The following PAPPA variants were observed in gnomAD, a reference collection of about 807,000 sequenced individuals.
PAPPA encodes the protein pappalysin-1.
In PAPPA, 60 loss-of-function variants were observed where a neutral mutation model predicts 164.0. The observed-to-expected ratio is 0.37, with a 90% CI of 0.30 to 0.45. The LOEUF (loss-of-function observed/expected upper bound fraction) is 0.45. Among genes scored for constraint, PAPPA ranks in the 20% least tolerant of loss-of-function variants. The pLI, the probability that PAPPA is intolerant of heterozygous loss-of-function variation, is 1.00. For missense variants in PAPPA, 1,782 were observed against 2,087.3 expected, an observed-to-expected ratio of 0.85 and a Z score of 2.85; for synonymous variants, 875 against 814.1, an observed-to-expected ratio of 1.07 and a Z score of -1.27.
chr9:116,154,315 C>T lies in PAPPA; in HGVS notation c.143C>T (p.Ala48Val). 3.3e-6 allele frequency: 3 copies of T among 896,712 alleles called. No homozygotes were observed. The highest frequency in any genetic ancestry group is 4.0e-6 in the Non-Finnish European group (3 of 752,390). 55.5% of individuals were successfully genotyped at this position (896,712 alleles called of 1,614,324 possible). A position where few individuals can be genotyped will look rare whatever the true frequency, so the allele number is the denominator to read the frequency against. Residue 48 changes from alanine to valine, a missense_variant, in exon 1 of 22, where the codon GCC (alanine) becomes GTC (valine). This residue lies in a region of PAPPA where 458 missense variants were observed against 430.3 expected (regional missense o/e 1.06). Transcript: ENST00000328252. The surrounding 1 kb of genome is among the most constrained non-coding windows in gnomAD (Gnocchi z 5.2). ...CCCGCCGCCGGCCCGGCCACCTGCG[C>T]CACCCGGGCGGCCCGCGGCCGCCGC... ...PRPAAGPATC[A>V]TRAARGRRAS...
chr9:116,167,625 G>A (rs892339900), intron 1 of PAPPA, among the ~76,000 whole-genome samples: 8 of 152,082 alleles, frequency 5.3e-5, no homozygotes, highest in Non-Finnish European at 1.0e-4. Context: ...GGCAAATCTT[G>A]GAATTATGTG....
At chr9:116,329,742 G>A (rs2118945212) in intron 10 of PAPPA, among the ~76,000 whole-genome samples, 1 of 152,222 alleles carries the variant, frequency 6.6e-6, no homozygotes, top group Non-Finnish European at 1.5e-5. Context: ...CCATGTTGAT[G>A]TCTATGAGCT....
intron 18 of PAPPA, among the ~76,000 whole-genome samples, chr9:116,363,098 A>G (rs1303485250): frequency 6.6e-6 from 1 of 152,226 alleles, no homozygotes; most frequent in African/African-American, 2.4e-5. Flanking sequence ...GAGGAGCAGG[A>G]GTTATGAAAG....
intron 12 of PAPPA, 93 bp downstream of exon 12, chr9:116,332,561 T>G: frequency 3.2e-5 from 35 of 1,108,002 alleles, no homozygotes; most frequent in Non-Finnish European, 4.1e-5. Flanking sequence ...GAATGAGCTC[T>G]TCCTTCCTTT....
intron 12 of PAPPA, among the ~76,000 whole-genome samples, chr9:116,334,238 TA>T (rs397974030): frequency 0.022 from 2,433 of 108,980 alleles, 43 homozygotes; most frequent in African/African-American, 0.062. Flanking sequence ...CTGGCTGCAT[TA>T]AAAAAAAAAA....
At chr9:116,231,667 AT>A (rs1844594339) in intron 6 of PAPPA, among the ~76,000 whole-genome samples, 2 of 10,778 alleles carry the variant, frequency 1.9e-4, no homozygotes, top group African/African-American at 1.3e-3. Context: ...GGGCGGATGG[AT>A]GGATGGATGG....
At chr9:116,173,553 A>G (rs1037691242) in intron 1 of PAPPA, among the ~76,000 whole-genome samples, 11 of 152,080 alleles carry the variant, frequency 7.2e-5, no homozygotes, top group African/African-American at 2.7e-4. Context: ...GTCATTCACA[A>G]CCCTTTGTGA....
chr9:116,292,210 T>C (rs1298084821), intron 9 of PAPPA, among the ~76,000 whole-genome samples: 5 of 152,192 alleles, frequency 3.3e-5, no homozygotes, highest in Admixed American at 2.0e-4. Flanking sequence ...CTTTGAACTC[T>C]TCCACATGAG....
intron 9 of PAPPA, among the ~76,000 whole-genome samples, chr9:116,282,398 C>T (rs1003887386): frequency 6.6e-6 from 1 of 152,206 alleles, no homozygotes; most frequent in Non-Finnish European, 1.5e-5. Flanking sequence ...GGAGGGCCAA[C>T]TGCATAGACT....
At chr9:116,383,017 A>G (rs553814760) in intron 21 of PAPPA, among the ~76,000 whole-genome samples, 17 of 152,214 alleles carry the variant, frequency 1.1e-4, no homozygotes, top group Non-Finnish European at 2.1e-4. Context: ...GCATTTTATT[A>G]TCTATCTTAT....
At chr9:116,279,430 C>T (rs746301087) in intron 9 of PAPPA, among the ~76,000 whole-genome samples, 2 of 152,100 alleles carry the variant, frequency 1.3e-5, no homozygotes, top group African/African-American at 2.4e-5. Context: ...AGGCTTACCA[C>T]CTCCTTTGGA....
chr9:116,363,211 T>C (rs1390851526), intron 18 of PAPPA, among the ~76,000 whole-genome samples: 2 of 152,138 alleles, frequency 1.3e-5, no homozygotes, highest in African/African-American at 4.8e-5. Context: ...CCTGATATAG[T>C]TCAGGCCCTT....
intron 4 of PAPPA, among the ~76,000 whole-genome samples, chr9:116,213,125 G>T (rs1011297885): frequency 2.0e-5 from 3 of 152,214 alleles, no homozygotes; most frequent in African/African-American, 7.2e-5. Flanking sequence ...AACTGCCCTG[G>T]TGGCTATATG....
intron 16 of PAPPA, 41 bp from the exon 17 acceptor site, chr9:116,353,581 T>G: frequency 6.3e-7 from 1 of 1,582,864 alleles, no homozygotes; most frequent in African/African-American, 1.3e-5. Context: ...ATCTAGCCAT[T>G]TGGTCCTTGA....
intron 21 of PAPPA, among the ~76,000 whole-genome samples, chr9:116,390,501 TG>T (rs1383814763): frequency 1.3e-5 from 2 of 152,196 alleles, no homozygotes; most frequent in East Asian, 1.9e-4. Flanking sequence ...CAGAGGCCAG[TG>T]GGGGGTATTC....
intron 4 of PAPPA, among the ~76,000 whole-genome samples, chr9:116,213,668 CT>C (rs199666128): frequency 3.0e-4 from 45 of 151,546 alleles, no homozygotes; most frequent in African/African-American, 7.5e-4. Context: ...TAAACTAAAT[CT>C]TTTTTTTTCC....
intron 17 of PAPPA, among the ~76,000 whole-genome samples, chr9:116,361,088 T>C (rs951221384): frequency 1.3e-5 from 2 of 151,988 alleles, no homozygotes; most frequent in Non-Finnish European, 2.9e-5. Context: ...AAGTTCAAGG[T>C]TGGTGGTGGT....
At chr9:116,203,724 G>A (rs1490484769) in intron 2 of PAPPA, among the ~76,000 whole-genome samples, 3 of 152,156 alleles carry the variant, frequency 2.0e-5, no homozygotes, top group African/African-American at 7.2e-5. Flanking sequence ...CTGACAGGTG[G>A]TCATCATCAT....
chr9:116,394,269 G>A (rs1241670138), intron 21 of PAPPA, among the ~76,000 whole-genome samples: 2 of 152,130 alleles, frequency 1.3e-5, no homozygotes, highest in African/African-American at 4.8e-5. Flanking sequence ...ATATGTATTT[G>A]GCACTGAGCA....
Sources: gnomAD v4.1 joint callset for allele counts (sites outside exome capture counted in the v4.1 genomes callset) on GRCh38, gnomAD v4.1.1 for gene constraint, gnomAD v4.1.1 regional missense constraint, Gnocchi (gnomAD v3.1) non-coding constraint, MANE v1.5 for transcripts, NCBI Gene and HGNC (gene_info 2026-07-23, HGNC 2026-07-21) for gene names.